The following MYCBP2 variants were observed in gnomAD, a reference collection of about 807,000 sequenced individuals.
The protein encoded by MYCBP2 is MYC binding protein 2, also known as E3 ubiquitin-protein ligase MYCBP2.
A neutral mutation model predicts 525.3 loss-of-function variants in MYCBP2; 120 were observed. The ratio of observed to expected loss-of-function variants is 0.23; its 90% CI spans 0.20 to 0.27. The LOEUF is 0.27. Among genes scored for constraint, MYCBP2 ranks in the 10% least tolerant of loss-of-function variants. The pLI is 1.00. For synonymous variants in MYCBP2, 1,894 were observed against 1,955.8 expected (o/e 0.97, Z 0.83); for missense variants, 4,149 against 5,657.1 (o/e 0.73, Z 8.55).
At chr13:77,248,816 T>A (rs540655847) in intron 15 of MYCBP2, among the ~76,000 whole-genome samples, 5 of 152,192 alleles carry the variant, frequency 3.3e-5, no homozygotes, top group Non-Finnish European at 7.3e-5. Context: ...TGTACACTCA[T>A]CTTCACAGCG....
intron 55 of MYCBP2, among the ~76,000 whole-genome samples, chr13:77,113,140 T>C (rs912388016): frequency 6.6e-6 from 1 of 152,188 alleles, no homozygotes; most frequent in African/African-American, 2.4e-5. Flanking sequence ...CATGTTATCC[T>C]TATAGTTGGA....
At chr13:77,271,435 T>C (rs1455448325) in intron 5 of MYCBP2, among the ~76,000 whole-genome samples, 1 of 152,206 alleles carries the variant, frequency 6.6e-6, no homozygotes, top group Non-Finnish European at 1.5e-5. Flanking sequence ...GGACAAGTAG[T>C]ATGCATTTGG....
intron 26 of MYCBP2, 128 bp from the exon 27 acceptor site, chr13:77,194,372 G>A (rs2061559332): frequency 1.6e-6 from 1 of 631,918 alleles, no homozygotes; most frequent in Non-Finnish European, 2.8e-6. Context: ...CAGAGTACCT[G>A]CTTTTTTAAC....
At chr13:77,144,983 T>C (rs1460403215) in intron 48 of MYCBP2, among the ~76,000 whole-genome samples, 2 of 152,204 alleles carry the variant, frequency 1.3e-5, no homozygotes, top group African/African-American at 4.8e-5. Flanking sequence ...TTCTCTCTCA[T>C]GCATCATCAA....
intron 1 of MYCBP2, among the ~76,000 whole-genome samples, chr13:77,323,793 G>A (rs2081976766): frequency 6.6e-6 from 1 of 152,126 alleles, no homozygotes; most frequent in Non-Finnish European, 1.5e-5. Context: ...AATAGGATAT[G>A]ATGCCTATCC....
At chr13:77,206,878 A>G (rs1593890783) in intron 23 of MYCBP2, 53 bp from the exon 24 acceptor site, 2 of 1,414,226 alleles carry the variant, frequency 1.4e-6, no homozygotes, top group African/African-American at 1.4e-5. Flanking sequence ...GTTTTTAAAA[A>G]AAATTCCTAA....
intron 59 of MYCBP2, 111 bp downstream of exon 59, chr13:77,093,052 AGC>A: frequency 9.6e-7 from 1 of 1,044,440 alleles, no homozygotes; most frequent in Non-Finnish European, 1.4e-6. Flanking sequence ...TCCAGCAGTT[AGC>A]AAAACTGGCT....
At chr13:77,104,231 T>C (rs1401026265) in intron 55 of MYCBP2, among the ~76,000 whole-genome samples, 1 of 152,104 alleles carries the variant, frequency 6.6e-6, no homozygotes, top group Non-Finnish European at 1.5e-5. Context: ...ACACACACTT[T>C]TCTTAAAAAA....
chr13:77,325,568 A>G (rs2082187665), intron 1 of MYCBP2, among the ~76,000 whole-genome samples: 1 of 152,234 alleles, frequency 6.6e-6, no homozygotes, highest in South Asian at 2.1e-4. Flanking sequence ...AGCCAACCCA[A>G]GTAAAAGAGA....
intron 49 of MYCBP2, among the ~76,000 whole-genome samples, chr13:77,143,211 C>A (rs1303138129): frequency 6.6e-6 from 1 of 152,086 alleles, no homozygotes; most frequent in African/African-American, 2.4e-5. Flanking sequence ...ACCTAGAAAC[C>A]TGGTAAGGCA....
Position 77,270,341 on chromosome 13 carries a change from C to T in MYCBP2, c.1143G>A (p.Lys381=), listed in dbSNP as rs1367446732. 6.2e-7 allele frequency: 1 copy of T among 1,613,436 alleles called. No homozygotes were observed. Among genetic ancestry groups the T allele is most frequent in the Non-Finnish European group, 8.5e-7 (1 of 1,179,676 alleles). Residue 381 remains lysine (K), a synonymous_variant, in exon 6 of 83, where the codon AAG becomes AAA. Coordinates refer to ENST00000544440, the MANE Select transcript of MYCBP2 (RefSeq NM_015057.5). ...CAGAGCCTATTTTATATAATCCATCCTTGCATAATAGATAAAGAAAAAATC... is the reference window on the plus strand; with the variant it reads ...CAGAGCCTATTTTATATAATCCATCTTTGCATAATAGATAAAGAAAAAATC... ...NDGFFLYLLC[K]DGLYKIGSGY... is the part of the protein sequence containing the mutation.
rs534905485 is a variant in MYCBP2 at position 77,051,183 on chromosome 13, C to G, written c.13756-21G>C. 9 of 1,591,718 alleles carry G rather than the reference C, an allele frequency of 5.7e-6. No homozygotes were observed. In the East Asian group the frequency reaches 1.8e-4, roughly 32 times the overall value. On this transcript the variant is annotated intron_variant, in intron 81 of 82. Coordinates refer to ENST00000544440, the MANE Select transcript of MYCBP2 (RefSeq NM_015057.5). ...CACATCTATAGCAAAAGAGAAGAGA[C>G]AGACACAAGATCATAGTGAGACTAT...
At position 77,174,454 on chromosome 13, in the gene MYCBP2, A is replaced by G. The variant is rs1236799377; in HGVS notation, c.5508T>C (p.Tyr1836=). The part of the protein sequence containing the change: ...NVKYAVRLRN[Y]GSRTANGDGG... ...CATCTCCATTGGCTGTACGGCTTCCATAGTTCCTCAAGCGCACAGCATATT... is the reference window on the plus strand; with the variant it reads ...CATCTCCATTGGCTGTACGGCTTCCGTAGTTCCTCAAGCGCACAGCATATT... Residue 1836 remains tyrosine, a synonymous_variant, in exon 37 of 83, where the codon TAT becomes TAC. Transcript: ENST00000544440. 2 of 1,614,022 alleles carry G rather than the reference A, an allele frequency of 1.2e-6. No homozygotes were observed. The highest frequency in any genetic ancestry group is 1.7e-6 in the Non-Finnish European group (2 of 1,180,016).
At chr13:77,109,261 T>A (rs1200536230) in intron 55 of MYCBP2, among the ~76,000 whole-genome samples, 1 of 152,192 alleles carries the variant, frequency 6.6e-6, no homozygotes, top group African/African-American at 2.4e-5. Context: ...AAGATGGAAC[T>A]GCTCCACCTC....
At chr13:77,078,748 G>T in intron 66 of MYCBP2, 76 bp downstream of exon 66, 1 of 1,160,890 alleles carries the variant, frequency 8.6e-7, no homozygotes, top group Non-Finnish European at 1.3e-6. Flanking sequence ...GCCAAGGGTG[G>T]AATTCAATAG....
chr13:77,268,043 C>CAAT, intron 7 of MYCBP2, 106 bp from the exon 8 acceptor site: 1 of 633,840 alleles, frequency 1.6e-6, no homozygotes, highest in South Asian at 1.9e-5. Flanking sequence ...AATAATACAT[C>CAAT]AATATTGATG....
intron 6 of MYCBP2, 72 bp downstream of exon 6, chr13:77,270,224 A>G: frequency 6.6e-7 from 1 of 1,508,236 alleles, no homozygotes; most frequent in Non-Finnish European, 8.9e-7. Context: ...AAATGAAACT[A>G]GAAACACACA....
chr13:77,250,746 T>C (rs9574023), intron 15 of MYCBP2, among the ~76,000 whole-genome samples: 87,516 of 152,070 alleles, frequency 0.58, 28,566 homozygotes, highest in Non-Finnish European at 0.74. Context: ...AACAAAACTA[T>C]ATATCTAATC....
intron 66 of MYCBP2, 31 bp downstream of exon 66, chr13:77,078,793 G>C (rs746229311): frequency 1.1e-5 from 17 of 1,587,548 alleles, no homozygotes; most frequent in Non-Finnish European, 1.2e-5. Flanking sequence ...TCTCTAGGTA[G>C]CGAAACATTT....
Sources: allele counts gnomAD v4.1 joint callset (sites outside exome capture counted in the v4.1 genomes callset), GRCh38; gene constraint gnomAD v4.1.1; transcripts MANE v1.5; gene names NCBI Gene and HGNC (gene_info 2026-07-23, HGNC 2026-07-21).